CCSER1: variants seen among roughly 807,000 people sequenced by gnomAD.
CCSER1 encodes the protein coiled-coil serine rich protein 1, also known as serine-rich coiled-coil domain-containing protein 1.
CCSER1 carries 41 observed loss-of-function variants against 82.0 expected under a neutral mutation model. The ratio of observed to expected loss-of-function variants is 0.50; its 90% CI spans 0.39 to 0.65. The LOEUF is 0.65. CCSER1 is among the 30% of genes least tolerant of loss of function. The pLI, the probability that CCSER1 is intolerant of heterozygous loss-of-function variation, is 0.00. For synonymous variants in CCSER1, 414 were observed against 383.9 expected (o/e 1.08, Z -0.92); for missense variants, 1,119 against 1,064.2 (o/e 1.05, Z -0.72).
chr4:91,424,015 T>TTTC (rs1344727309), intron 10 of CCSER1, among the ~76,000 whole-genome samples: 1 of 137,610 alleles, frequency 7.3e-6, no homozygotes, highest in East Asian at 2.1e-4. Flanking sequence ...TTTTTTTTTT[T>TTTC]TTTTTTTTTT....
intron 5 of CCSER1, among the ~76,000 whole-genome samples, chr4:90,591,160 C>G (rs1782645181): frequency 6.6e-6 from 1 of 152,110 alleles, no homozygotes; most frequent in East Asian, 1.9e-4. Flanking sequence ...TAGCCTGAAA[C>G]TTTGCTGAAG....
chr4:91,098,243 T>C (rs1257575295), intron 10 of CCSER1, among the ~76,000 whole-genome samples: 1 of 152,230 alleles, frequency 6.6e-6, no homozygotes, highest in East Asian at 1.9e-4. Context: ...GGATAGACTT[T>C]GCATTGTTTA....
intron 4 of CCSER1, among the ~76,000 whole-genome samples, chr4:90,420,615 T>C (rs1756539917): frequency 1.3e-5 from 2 of 152,070 alleles, no homozygotes; most frequent in Non-Finnish European, 2.9e-5. Context: ...AGAGGATTGC[T>C]TCAGTGACAA....
chr4:90,488,187 A>G (rs1767418229), intron 5 of CCSER1, among the ~76,000 whole-genome samples: 1 of 151,582 alleles, frequency 6.6e-6, no homozygotes, highest in African/African-American at 2.4e-5. Context: ...ATTTTATTTT[A>G]TTTATTTATT....
At chr4:90,942,421 C>T (rs1238507474) in intron 9 of CCSER1, among the ~76,000 whole-genome samples, 1 of 152,134 alleles carries the variant, frequency 6.6e-6, no homozygotes, top group Non-Finnish European at 1.5e-5. Context: ...GCTCTTGCCT[C>T]TCTTGTGTGA....
chr4:91,437,415 T>C (rs754956351), intron 10 of CCSER1, among the ~76,000 whole-genome samples: 4 of 152,164 alleles, frequency 2.6e-5, no homozygotes, highest in African/African-American at 4.8e-5. Flanking sequence ...TACGTAATTA[T>C]AGATCAAACA....
rs1422563338 is a variant in CCSER1, at chr4:91,363,305, G to A, written c.2218-235267G>A. The stretch of plus-strand genomic sequence containing the variant: ...ATTCATAATAAATTTTTGTTAAATT[G>A]AATTGGAAGTAGAAGTAATCTAGAT... On this transcript the variant is annotated intron_variant, in intron 10 of 10. Transcript: ENST00000509176. Among the ~76,000 whole-genome samples the A allele has an allele frequency of 2.0e-5, 3 of 151,138 alleles. 1 individual carries two copies. The highest frequency in any genetic ancestry group is 7.3e-5 in the African/African-American group (3 of 41,202).
chr4:90,906,284 A>G (rs1184133212), intron 8 of CCSER1, among the ~76,000 whole-genome samples: 1 of 152,144 alleles, frequency 6.6e-6, no homozygotes, highest in East Asian at 1.9e-4. Context: ...CATGGCACTC[A>G]GAATTTCTTG....
chr4:90,563,233 TC>T (rs1778990280), intron 5 of CCSER1, among the ~76,000 whole-genome samples: 1 of 152,092 alleles, frequency 6.6e-6, no homozygotes, highest in Non-Finnish European at 1.5e-5. Flanking sequence ...TGCCCCAGCC[TC>T]CCAAGTAGCT....
At chr4:91,435,333 C>G (rs1754585899) in intron 10 of CCSER1, among the ~76,000 whole-genome samples, 1 of 151,746 alleles carries the variant, frequency 6.6e-6, no homozygotes, top group Non-Finnish European at 1.5e-5. Context: ...CTCAGCTACT[C>G]TGGAGGCTGA....
intron 6 of CCSER1, among the ~76,000 whole-genome samples, chr4:90,628,571 G>T (rs1723763691): frequency 6.6e-6 from 1 of 152,124 alleles, no homozygotes; most frequent in Non-Finnish European, 1.5e-5. Flanking sequence ...TCTATTAAAT[G>T]TATTTCACAT....
chr4:90,318,462 T>C (rs2153485306), intron 3 of CCSER1, among the ~76,000 whole-genome samples: 1 of 152,362 alleles, frequency 6.6e-6, no homozygotes, highest in African/African-American at 2.4e-5. Flanking sequence ...ATGTTTTCTT[T>C]CATTTAGCAT....
intron 10 of CCSER1, among the ~76,000 whole-genome samples, chr4:91,565,026 TTGTGTGTGTGTG>T (rs56723869): frequency 0.22 from 28,586 of 130,862 alleles, 3,052 homozygotes; most frequent in East Asian, 0.27. Context: ...GCACCTTGAG[TTGTGTGTGTGTG>T]TGTGTGTGTG....
chr4:91,424,057 C>A (rs967537629), intron 10 of CCSER1, among the ~76,000 whole-genome samples: 3 of 124,606 alleles, frequency 2.4e-5, no homozygotes, highest in African/African-American at 9.1e-5. Flanking sequence ...TCGCCCAGGC[C>A]GGACTGCGGA....
intron 1 of CCSER1, among the ~76,000 whole-genome samples, chr4:90,166,824 A>G (rs1198701291): frequency 6.6e-6 from 1 of 152,068 alleles, no homozygotes; most frequent in Non-Finnish European, 1.5e-5. Flanking sequence ...GATTTAAATA[A>G]TATATAATTA....
At chr4:91,453,143 A>G (rs756605624) in intron 10 of CCSER1, among the ~76,000 whole-genome samples, 23 of 152,018 alleles carry the variant, frequency 1.5e-4, no homozygotes, top group Non-Finnish European at 2.9e-4. Context: ...TTGGTCATTT[A>G]GAGTTTTGTT....
At chr4:91,401,164 C>A (rs1403202717) in intron 10 of CCSER1, among the ~76,000 whole-genome samples, 1 of 151,234 alleles carries the variant, frequency 6.6e-6, no homozygotes, top group Admixed American at 6.6e-5. Context: ...AAATAGATAC[C>A]CATTTTTTGA....
At chr4:91,045,127 G>A (rs1742333732) in intron 9 of CCSER1, among the ~76,000 whole-genome samples, 1 of 151,954 alleles carries the variant, frequency 6.6e-6, no homozygotes, top group Non-Finnish European at 1.5e-5. Flanking sequence ...TCTAGTTTTT[G>A]GTAAAATACC....
At position 91,464,098 on chromosome 4, in the gene CCSER1, C is replaced by T. The variant is rs922738451; in HGVS notation, c.2218-134474C>T. On this transcript the variant is annotated intron_variant, in intron 10 of 10. Transcript: ENST00000509176. ...TAAAGGAAAAAATGTTAAGGGCAGCCAGTGAGAAAGGTCACGTTACCCACA... is the reference window on the plus strand; with the variant it reads ...TAAAGGAAAAAATGTTAAGGGCAGCTAGTGAGAAAGGTCACGTTACCCACA... Among the ~76,000 whole-genome samples the T allele has an allele frequency of 5.3e-5, 8 of 152,138 alleles. 1 individual carries two copies. The highest frequency in any genetic ancestry group is 4.6e-4 in the Admixed American group (7 of 15,282).
Sources: allele counts gnomAD v4.1 joint callset (sites outside exome capture counted in the v4.1 genomes callset), GRCh38; gene constraint gnomAD v4.1.1; transcripts MANE v1.5; gene names NCBI Gene and HGNC (gene_info 2026-07-23, HGNC 2026-07-21).